The following RNF175 variants were observed in gnomAD, a reference collection of about 807,000 sequenced individuals.
RNF175 encodes ring finger protein 175.
A neutral mutation model predicts 50.0 loss-of-function variants in RNF175; 38 were observed. The ratio of observed to expected loss-of-function variants is 0.76; its 90% CI spans 0.59 to 1.00. The LOEUF is 1.00. Ranked by LOEUF, RNF175 falls within the 50% of genes least tolerant of loss-of-function variation. The pLI, the probability that RNF175 is intolerant of heterozygous loss-of-function variation, is 0.00. For missense variants in RNF175, 388 were observed against 409.6 expected (o/e 0.95, Z 0.46); for synonymous variants, 155 against 146.1 (o/e 1.06, Z -0.44).
At chr4:153,728,172 G>A (rs1390678091) in intron 4 of RNF175, 35 bp downstream of exon 4, 1 of 1,506,378 alleles carries the variant, frequency 6.6e-7, no homozygotes, top group Admixed American at 2.2e-5. Flanking sequence ...TTAAAATAAA[G>A]GGGCTCCTGG....
intron 5 of RNF175, among the ~76,000 whole-genome samples, chr4:153,721,889 T>C (rs913756072): frequency 1.3e-5 from 2 of 152,178 alleles, no homozygotes; most frequent in Non-Finnish European, 2.9e-5. Flanking sequence ...CTAGCAATAA[T>C]AGATTTGTAC....
chr4:153,744,530 T>C (rs1029125635), intron 3 of RNF175, among the ~76,000 whole-genome samples: 15 of 152,154 alleles, frequency 9.9e-5, no homozygotes, highest in African/African-American at 2.4e-4. Context: ...GGGCTTCCTA[T>C]GCAAAATCCA....
At chr4:153,710,804 A>G (rs760749410) in intron 8 of RNF175, among the ~76,000 whole-genome samples, 1 of 152,222 alleles carries the variant, frequency 6.6e-6, no homozygotes, top group South Asian at 2.1e-4. Context: ...AAAACCAAGG[A>G]TAGTGGAAAC....
At chr4:153,720,746 C>A (rs981604746) in intron 5 of RNF175, 11 of 159,410 alleles carry the variant, frequency 6.9e-5, no homozygotes, top group African/African-American at 2.6e-4. Context: ...TTTAAAAGCA[C>A]ATTAACATAT....
intron 3 of RNF175, among the ~76,000 whole-genome samples, chr4:153,743,226 C>T (rs1739772584): frequency 6.6e-6 from 1 of 152,248 alleles, no homozygotes; most frequent in Middle Eastern, 3.4e-3. Flanking sequence ...GCAGACATCA[C>T]CAAGAGTGGC....
At chr4:153,721,486 C>T (rs763078540) in intron 5 of RNF175, 15 of 152,224 alleles carry the variant, frequency 9.9e-5, no homozygotes, top group Non-Finnish European at 2.1e-4. Context: ...TTCATCCTTT[C>T]AAGATTTGTC....
Position 153,710,501 on chromosome 4 carries a change from T to G in RNF175, c.867-12A>C, listed in dbSNP as rs776955708. 12 of 1,608,466 alleles carry G rather than the reference T, an allele frequency of 7.5e-6. No homozygotes were observed. The South Asian group carries it at 1.3e-4, about 18-fold the overall frequency. On this transcript the variant is annotated splice_polypyrimidine_tract_variant and intron_variant, in intron 8 of 8. Coordinates refer to ENST00000347063, the MANE Select transcript of RNF175 (RefSeq NM_173662.4). ...GTGTGCGCTCCCAGCTAAATCTCAG[T>G]TAAGGAGGTTGTTCTATATACAGCC...
intron 1 of RNF175, among the ~76,000 whole-genome samples, chr4:153,759,453 C>T (rs1740717666): frequency 6.6e-6 from 1 of 152,140 alleles, no homozygotes; most frequent in East Asian, 1.9e-4. Context: ...GGGAGGAGGG[C>T]ACAGGCGGTC....
chr4:153,748,526 C>G (rs1740102097), intron 3 of RNF175, 119 bp downstream of exon 3: 1 of 884,920 alleles, frequency 1.1e-6, no homozygotes, highest in African/African-American at 1.7e-5. Context: ...TTGAGAACCA[C>G]TGACTTAAAC....
chr4:153,744,426 GAA>G (rs33955605), intron 3 of RNF175, among the ~76,000 whole-genome samples: 2 of 146,464 alleles, frequency 1.4e-5, no homozygotes, highest in African/African-American at 2.5e-5. Context: ...CCATCTCAAA[GAA>G]AAAAAAAAAT....
At chr4:153,759,503 G>C (rs911019727) in intron 1 of RNF175, among the ~76,000 whole-genome samples, 5 of 152,180 alleles carry the variant, frequency 3.3e-5, no homozygotes, top group Non-Finnish European at 7.4e-5. Flanking sequence ...GCCTGGAAGA[G>C]AAAGTGCGAG....
At chr4:153,721,335 G>A (rs376442022) in intron 5 of RNF175, 2 of 152,294 alleles carry the variant, frequency 1.3e-5, no homozygotes, top group African/African-American at 4.8e-5. Flanking sequence ...ATGTGAACAA[G>A]AGTTGGGTAG....
intron 4 of RNF175, among the ~76,000 whole-genome samples, chr4:153,724,715 T>C (rs1738567772): frequency 6.6e-6 from 1 of 152,040 alleles, no homozygotes; most frequent in African/African-American, 2.4e-5. Flanking sequence ...TGAGTTCCAG[T>C]CAGAAGGGAC....
rs554558184 is a variant in RNF175, at chr4:153,728,318, G to A, written c.290C>T (p.Thr97Met). 1.3e-5 allele frequency: 21 copies of A among 1,613,494 alleles called. No individual in the cohort carries two copies. The Admixed American group carries it at 1.5e-4, about 12-fold the overall frequency. The change falls in exon 4 of 9, where the codon ACG (threonine) becomes ATG (methionine). Residue 97 changes from threonine (T) to methionine (M), a missense_variant. Transcript: ENST00000347063. ...AAACCGCCACCAGTATAATTTTATC[G>A]TGAAATATAAGGGGACAACCCACAT... Reference protein sequence around the residue: ...LQMWVVPLYFTIKLYWWRFLS... With the variant: ...LQMWVVPLYFMIKLYWWRFLS...
chr4:153,757,676 T>A (rs2127172447), intron 1 of RNF175, among the ~76,000 whole-genome samples: 1 of 152,096 alleles, frequency 6.6e-6, no homozygotes, highest in African/African-American at 2.4e-5. Context: ...TGGTGGGTCC[T>A]CTCAGCTCTC....
intron 8 of RNF175, 130 bp downstream of exon 8, chr4:153,712,345 A>T: frequency 1.6e-6 from 1 of 619,870 alleles, no homozygotes; most frequent in Non-Finnish European, 2.9e-6. Flanking sequence ...GTCATTTTGA[A>T]ATAGGTGGTT....
intron 3 of RNF175, among the ~76,000 whole-genome samples, chr4:153,731,672 A>AGAGG (rs754656220): frequency 4.3e-4 from 63 of 146,450 alleles, no homozygotes; most frequent in African/African-American, 1.1e-3. Context: ...AGAAAGAGAG[A>AGAGG]GAGGGAGGGA....
chr4:153,733,629 T>C (rs559093863), intron 3 of RNF175, among the ~76,000 whole-genome samples: 1 of 152,332 alleles, frequency 6.6e-6, no homozygotes, highest in South Asian at 2.1e-4. Flanking sequence ...TTTTCCCCTC[T>C]CTACCCTTCA....
intron 4 of RNF175, among the ~76,000 whole-genome samples, chr4:153,725,304 G>C (rs972865057): frequency 1.3e-5 from 2 of 152,170 alleles, no homozygotes; most frequent in Non-Finnish European, 2.9e-5. Flanking sequence ...GTACTGAGCA[G>C]TTTAGATCAT....
Sources: allele counts gnomAD v4.1 joint callset (sites outside exome capture counted in the v4.1 genomes callset), GRCh38; gene constraint gnomAD v4.1.1; transcripts MANE v1.5; gene names NCBI Gene and HGNC (gene_info 2026-07-23, HGNC 2026-07-21).